Variants in TTC21A observed in about 807,000 individuals in gnomAD.
TTC21A encodes the protein tetratricopeptide repeat protein 21A.
A neutral mutation model predicts 156.4 loss-of-function variants in TTC21A; 128 were observed. That is an observed-to-expected ratio of 0.82 (90% CI 0.71 to 0.95). The LOEUF (loss-of-function observed/expected upper bound fraction) is 0.95, where lower values mean the gene tolerates loss of function less well. TTC21A is among the 40% of genes least tolerant of loss of function. The probability of loss-of-function intolerance (pLI) is 0.00; values close to 1 mark genes in which losing one functional copy is unlikely to be tolerated. For synonymous variants in TTC21A, 587 were observed against 617.1 expected, an observed-to-expected ratio of 0.95 and a Z score of 0.72; for missense variants, 1,435 against 1,602.3, an observed-to-expected ratio of 0.90 and a Z score of 1.78.
chr3:39,110,454 TA>T (rs1314003968), intron 3 of TTC21A: 1 of 513,442 alleles, frequency 1.9e-6, no homozygotes, highest in African/African-American at 1.9e-5. Context: ...AGCCAATATA[TA>T]TAATTCTACC....
rs556267760 is a variant in TTC21A at position 39,121,921 on chromosome 3, A to C, written c.1093+732A>C. Among the ~76,000 whole-genome samples, 151 of 152,292 alleles carry C rather than the reference A, an allele frequency of 9.9e-4. 1 individual carries two copies. The highest frequency in any genetic ancestry group is 9.4e-4 in the Non-Finnish European group (64 of 68,024). ...CATAGCACATTTATCAGAGTAGTTT[A>C]TCTTGACTTCTGGTTCAACATGTCA... is the stretch of plus-strand genomic sequence containing the variant. On this transcript the variant is annotated intron_variant, in intron 9 of 28. Coordinates refer to ENST00000683103, the MANE Select transcript of TTC21A (RefSeq NM_001366900.1).
chr3:39,121,409 C>G (rs1442446417), intron 9 of TTC21A, among the ~76,000 whole-genome samples: 2 of 152,198 alleles, frequency 1.3e-5, no homozygotes, highest in Non-Finnish European at 2.9e-5. Context: ...TGATCTCCAC[C>G]AGACCTCCAA....
intron 6 of TTC21A, 53 bp from the exon 7 acceptor site, chr3:39,118,016 C>T (rs2037433156): frequency 2.1e-5 from 28 of 1,340,044 alleles, no homozygotes; most frequent in Non-Finnish European, 3.0e-5. Context: ...ACACACCATC[C>T]CAGCTTTGCC....
At chr3:39,127,021 G>A (rs2125827503) in intron 12 of TTC21A, among the ~76,000 whole-genome samples, 1 of 152,322 alleles carries the variant, frequency 6.6e-6, no homozygotes, top group Admixed American at 6.5e-5. Flanking sequence ...AAGGTATCCA[G>A]AAAGAACTTG....
Position 39,134,777 on chromosome 3 carries a change from A to G in TTC21A, c.2863-316A>G, listed in dbSNP as rs72861419. ...CCTCTATTGCCTGGCAGTTCTCAGA[A>G]TGGGTGGAGAGGCTTCCCCTGTAGG... On this transcript the variant is annotated intron_variant, in intron 21 of 28. Transcript: ENST00000683103. The surrounding 1 kb of genome is among the most constrained non-coding windows in gnomAD (Gnocchi z 4.6). 0.11 allele frequency: 54,427 copies of G among 508,292 alleles called. 4,026 individuals carry two copies. The highest frequency in any genetic ancestry group is 0.27 in the African/African-American group (14,123 of 52,178). 31.5% of individuals were successfully genotyped at this position (508,292 alleles called of 1,614,324 possible).
chr3:39,113,131 ATACT>A lies in TTC21A; in HGVS notation c.558+554_558+557del, dbSNP rs537998855. On this transcript the variant is annotated intron_variant, in intron 5 of 28. Transcript: ENST00000683103. Reference sequence around the variant, plus strand: ...ATATATTTTTATTATAAAAGAATACATACTTATTTAAGAAAACAGAAGCCTAAAA... The same window carrying A: ...ATATATTTTTATTATAAAAGAATACATATTTAAGAAAACAGAAGCCTAAAA... Among the ~76,000 whole-genome samples the A allele has an allele frequency of 2.2e-3, 339 of 152,256 alleles. 1 individual carries two copies. Among genetic ancestry groups the A allele is most frequent in the African/African-American group, 7.7e-3 (319 of 41,534 alleles).
intron 13 of TTC21A, 26 bp from the exon 14 acceptor site, chr3:39,128,691 C>T (rs766154446): frequency 1.6e-5 from 26 of 1,606,722 alleles, no homozygotes; most frequent in Non-Finnish European, 2.1e-5. Context: ...GAACTGGAGC[C>T]CCACACTCTG....
Position 39,129,330 on chromosome 3 carries a change from CAAT to C in TTC21A, c.2135+21_2135+23del, listed in dbSNP as rs2038541143. ...CTACCGGTAAGCCCCACAGGCAGCA[CAAT>C]GACAGCTTCTTCTCCAATGGTATCT... On this transcript the variant is annotated intron_variant, in intron 15 of 28. Coordinates refer to ENST00000683103, the MANE Select transcript of TTC21A (RefSeq NM_001366900.1). 2.6e-6 allele frequency: 4 copies of C among 1,549,368 alleles called. No homozygotes were observed. Among genetic ancestry groups the C allele is most frequent in the Non-Finnish European group, 3.6e-6 (4 of 1,121,236 alleles).
intron 12 of TTC21A, 129 bp from the exon 13 acceptor site, chr3:39,128,202 A>G (rs1298712): frequency 0.65 from 711,239 of 1,090,890 alleles, 237,716 homozygotes; most frequent in East Asian, 0.71. Flanking sequence ...AGCAGAACAA[A>G]ACTGGCTAAA....
intron 6 of TTC21A, among the ~76,000 whole-genome samples, chr3:39,116,443 ATATTCT>A (rs1325323199): frequency 4.6e-5 from 7 of 150,842 alleles, no homozygotes; most frequent in Admixed American, 4.6e-4. Context: ...ATTCTATATC[ATATTCT>A]TTGTGTATTC....
At position 39,137,314 on chromosome 3, in the gene TTC21A, G is replaced by A. The variant is rs2039201574; in HGVS notation, c.3377G>A (p.Cys1126Tyr). Reference sequence around the variant, plus strand: ...CAGCTGCGGCTGCTGCAGGGCCTCTGCCGGCTGGCCACCAGGGAGAAGGCT... The same window carrying A: ...CAGCTGCGGCTGCTGCAGGGCCTCTACCGGCTGGCCACCAGGGAGAAGGCT... ...QTQLRLLQGLCRLATREKANM... is the reference protein window; with the variant it reads ...QTQLRLLQGLYRLATREKANM... The change falls in exon 25 of 29, where the codon TGC becomes TAC. Residue 1126 changes from cysteine to tyrosine, a missense_variant. Coordinates refer to ENST00000683103, the MANE Select transcript of TTC21A (RefSeq NM_001366900.1). 6.2e-7 allele frequency: 1 copy of A among 1,614,050 alleles called. No individual in the cohort carries two copies. Among genetic ancestry groups the A allele is most frequent in the Non-Finnish European group, 8.5e-7 (1 of 1,179,986 alleles).
intron 11 of TTC21A, among the ~76,000 whole-genome samples, chr3:39,125,987 TC>T (rs1398980053): frequency 2.0e-5 from 3 of 152,096 alleles, no homozygotes; most frequent in Non-Finnish European, 4.4e-5. Context: ...CACCTTAATA[TC>T]CCCCCAGTGC....
chr3:39,135,705 T>G (rs138789136), intron 22 of TTC21A, among the ~76,000 whole-genome samples: 414 of 152,226 alleles, frequency 2.7e-3, no homozygotes, highest in Middle Eastern at 0.014. Flanking sequence ...TGTGCAACTT[T>G]CAGCAAATTA....
chr3:39,135,280 C>A, intron 22 of TTC21A, 106 bp downstream of exon 22: 2 of 931,098 alleles, frequency 2.1e-6, no homozygotes, highest in Non-Finnish European at 3.5e-6. Flanking sequence ...GCAGAGGAAG[C>A]CCCTTCCTCC....
chr3:39,111,068 CAT>C (rs752966317), intron 4 of TTC21A, 51 bp downstream of exon 4: 1 of 1,554,626 alleles, frequency 6.4e-7, no homozygotes, highest in Non-Finnish European at 8.7e-7. Context: ...CATCCAAACA[CAT>C]AATAGCAGGG....
intron 19 of TTC21A, among the ~76,000 whole-genome samples, chr3:39,132,180 A>G (rs1223173710): frequency 2.6e-5 from 4 of 152,212 alleles, no homozygotes; most frequent in Non-Finnish European, 4.4e-5. Context: ...ACAGCTAAAC[A>G]TAGAAAATGT....
In TTC21A at chr3:39,130,150, A is replaced by T; in HGVS notation, c.2207A>T (p.Glu736Val). Residue 736 changes from glutamate to valine, a missense_variant and splice_region_variant, in exon 16 of 29, where the codon GAG (glutamate) becomes GTG (valine). Transcript: ENST00000683103. The surrounding 1 kb of genome is among the most constrained non-coding windows in gnomAD (Gnocchi z 4.5). ...GGCGATGCCTTAATGAGCATTCTGG[A>T]GGTAAGTGAGAGGCCTCACAGCCTT... ...LLGDALMSILEPEKALEVYDE... is the reference protein window; with the variant it reads ...LLGDALMSILVPEKALEVYDE... 1 of 1,613,824 alleles carries T rather than the reference A, an allele frequency of 6.2e-7. No individual in the cohort carries two copies. Among genetic ancestry groups the T allele is most frequent in the Non-Finnish European group, 8.5e-7 (1 of 1,179,926 alleles).
chr3:39,110,278 G>A (rs1183040899), intron 3 of TTC21A, 139 bp downstream of exon 3: 1 of 720,252 alleles, frequency 1.4e-6, no homozygotes, highest in Non-Finnish European at 2.5e-6. Flanking sequence ...CCAGTGAGAA[G>A]TGGCTGCTGC....
At position 39,130,958 on chromosome 3, in the gene TTC21A, T is replaced by C. The variant is rs1298277775; in HGVS notation, c.2459-34T>C. 2 of 1,609,588 alleles carry C rather than the reference T, an allele frequency of 1.2e-6. No homozygotes were observed. The highest frequency in any genetic ancestry group is 2.7e-5 in the African/African-American group (2 of 74,658). On this transcript the variant is annotated intron_variant, in intron 18 of 28. Transcript: ENST00000683103. The surrounding 1 kb of genome is among the most constrained non-coding windows in gnomAD (Gnocchi z 4.5). ...ACCAACACAGCTTCCCAGGAGCCAG[T>C]GAACTAACACTAATTTGAGTTTCCA...
Sources: gnomAD v4.1 joint callset for allele counts (sites outside exome capture counted in the v4.1 genomes callset) on GRCh38, gnomAD v4.1.1 for gene constraint, Gnocchi (gnomAD v3.1) non-coding constraint, MANE v1.5 for transcripts, NCBI Gene and HGNC (gene_info 2026-07-23, HGNC 2026-07-21) for gene names.